The following PLP2 variants were observed in gnomAD, a reference collection of about 807,000 sequenced individuals.
PLP2 encodes the protein proteolipid protein 2.
Under a neutral mutation model 11.4 loss-of-function variants are expected in PLP2, and 8 were observed. That is an observed-to-expected ratio of 0.70 (90% CI 0.41 to 1.27). PLP2 has a LOEUF of 1.27. Ranked by LOEUF, PLP2 falls within the 50% of genes most tolerant of loss-of-function variation. The pLI, the probability that PLP2 is intolerant of heterozygous loss-of-function variation, is 0.01. For missense variants in PLP2, 127 were observed against 123.5 expected (o/e 1.03, Z -0.14); for synonymous variants, 50 against 53.2 (o/e 0.94, Z 0.26).
intron 4 of PLP2, 119 bp downstream of exon 4, chrX:49,174,544 C>T (rs1237760235): frequency 1.3e-5 from 11 of 859,278 alleles, no homozygotes; most frequent in Non-Finnish European, 1.7e-5. Flanking sequence ...GTACTTAGGG[C>T]TTTTGTACCA....
intron 4 of PLP2, 21 bp from the exon 5 acceptor site, chrX:49,174,649 TTC>T: frequency 8.3e-7 from 1 of 1,199,408 alleles, no homozygotes; most frequent in East Asian, 3.0e-5. Context: ...AGCCAATGCT[TTC>T]TCTCTTTTCC....
At chrX:49,174,146 G>A (rs2065402350) in intron 3 of PLP2, among the ~76,000 whole-genome samples, 189 bp from the exon 4 acceptor site, 1 of 111,437 alleles carries the variant, frequency 9.0e-6, no homozygotes, top group African/African-American at 3.3e-5. Context: ...GCCTCCCTGT[G>A]TTGAGAGGTA....
chrX:49,173,593 C>G (rs1557099503), intron 3 of PLP2, 110 bp downstream of exon 3: 2 of 1,181,488 alleles, frequency 1.7e-6, no homozygotes, highest in Non-Finnish European at 2.3e-6. Flanking sequence ...GCAAGTCACA[C>G]TTGTCCTCAG....
chrX:49,173,169 C>T lies in PLP2; in HGVS notation c.137C>T (p.Thr46Ile). Residue 46 changes from threonine (T) to isoleucine (I), a missense_variant, in exon 2 of 5, where the codon ACA (threonine) becomes ATA (isoleucine). Physicochemically the swap from Thr to Ile is moderately conservative, Grantham distance 89. Coordinates refer to ENST00000376327, the MANE Select transcript of PLP2 (RefSeq NM_002668.3). ...ATCCTGATCTGCTTCAGTGCCTCCA[C>T]ACCAGGCTACTCCTCCCTGTCGGTG... The part of the protein sequence containing the change: ...LVILICFSAS[T>I]PGYSSLSVIE... 8.3e-7 allele frequency: 1 copy of T among 1,209,189 alleles called. No individual in the cohort carries two copies. The highest frequency in any genetic ancestry group is 1.1e-6 in the Non-Finnish European group (1 of 893,282).
Position 49,173,297 on chromosome X carries a change from C to T in PLP2, c.249+16C>T, listed in dbSNP as rs1208931243. The T allele has an allele frequency of 9.1e-6, 11 of 1,207,964 alleles. No individual in the cohort carries two copies. The highest frequency in any genetic ancestry group is 1.1e-5 in the Non-Finnish European group (10 of 893,509). On this transcript the variant is annotated intron_variant, in intron 2 of 4. Transcript: ENST00000376327. The stretch of plus-strand genomic sequence containing the variant: ...GCCCTGGAGTGTGAGAAGGGGTCCA[C>T]AATGGCAAGACCAGGGAGGGGTCTG...
rs375975539 is a variant in PLP2 at position 49,174,355 on chromosome X, G to A, written c.366G>A (p.Thr122=). ...IVAGVLGLIA[T]CLFGYDAYVT... ...CCCAGGTACTGGGCCTAATCGCTAC[G>A]TGCCTCTTTGGCTATGATGCCTATG... Residue 122 remains threonine, a synonymous_variant, in exon 4 of 5, where the codon ACG becomes ACA. Coordinates refer to ENST00000376327, the MANE Select transcript of PLP2 (RefSeq NM_002668.3). 4.1e-5 allele frequency: 49 copies of A among 1,207,927 alleles called. No homozygotes were observed. The highest frequency in any genetic ancestry group is 5.5e-5 in the Non-Finnish European group (49 of 893,501).
chrX:49,174,429 AGTGT>A lies in PLP2; in HGVS notation c.436+15_436+18del. 1 of 923,464 alleles carries A rather than the reference AGTGT, an allele frequency of 1.1e-6. No individual in the cohort carries two copies. The highest frequency in any genetic ancestry group is 1.5e-6 in the Non-Finnish European group (1 of 660,018). The allele number at this position is 923,464 out of a possible 1,213,427, so 76.1% of individuals were successfully genotyped here. A position where few individuals can be genotyped will look rare whatever the true frequency, so the allele number is the denominator to read the frequency against. ...AGACATACAGCAGCCCCCACTGGTA[AGTGT>A]GTGTGTGTGTTGGTTGGGGGTAAGG... On this transcript the variant is annotated splice_donor_5th_base_variant and intron_variant, in intron 4 of 4. Transcript: ENST00000376327.
chrX:49,173,221 C>A lies in PLP2; in HGVS notation c.189C>A (p.Phe63Leu). The change falls in exon 2 of 5, where the codon TTC (phenylalanine) becomes TTA (leucine). Residue 63 changes from phenylalanine (F) to leucine (L), a missense_variant. Physicochemically the swap from Phe to Leu is conservative, Grantham distance 22. Transcript: ENST00000376327. ...TTGAGATGATCCTTGCTGCTATTTT[C>A]TTTGTTGTCTACATGTGTGACCTGC... The part of the protein sequence containing the change: ...SVIEMILAAI[F>L]FVVYMCDLHT... The A allele has an allele frequency of 8.3e-7, 1 of 1,210,578 alleles. No homozygotes were observed. The highest frequency in any genetic ancestry group is 1.1e-6 in the Non-Finnish European group (1 of 894,569).
At chrX:49,172,763 C>T (rs1436190831) in intron 1 of PLP2, among the ~76,000 whole-genome samples, 1 of 111,966 alleles carries the variant, frequency 8.9e-6, no homozygotes, top group Non-Finnish European at 1.9e-5. Flanking sequence ...CTGGCGTCAG[C>T]GGGGCTCACA....
chrX:49,172,753 C>G (rs1557099351), intron 1 of PLP2, among the ~76,000 whole-genome samples: 1 of 112,198 alleles, frequency 8.9e-6, no homozygotes, highest in African/African-American at 3.2e-5. Context: ...GGCCACAAAG[C>G]TGGCGTCAGC....
intron 1 of PLP2, among the ~76,000 whole-genome samples, 167 bp downstream of exon 1, chrX:49,172,263 G>A (rs2065395299): frequency 9.0e-6 from 1 of 111,161 alleles, no homozygotes; most frequent in Non-Finnish European, 1.9e-5. Flanking sequence ...AGGGCGAGTC[G>A]GTGGGGTTTG....
At position 49,172,104 on chromosome X, in the gene PLP2, T is replaced by C; in HGVS notation, c.96+8T>C. On this transcript the variant is annotated splice_region_variant and intron_variant, in intron 1 of 4. Transcript: ENST00000376327. ...CTCCTGTTTGCTGAGATTGTGAGCG[T>C]TCTGGGGCAGGCGCGTGGGCAAAAG... is the stretch of plus-strand genomic sequence containing the variant. The C allele has an allele frequency of 8.6e-7, 1 of 1,157,344 alleles. No individual in the cohort carries two copies.
Position 49,175,130 on chromosome X carries a change from A to G in PLP2, c.*436A>G, listed in dbSNP as rs2065408011. 5.0e-6 allele frequency: 1 copy of G among 199,336 alleles called. No homozygotes were observed. Among genetic ancestry groups the G allele is most frequent in the African/African-American group, 2.9e-5 (1 of 34,282 alleles). The allele number at this position is 199,336 out of a possible 1,213,427, so 16.4% of individuals were successfully genotyped here. A position where few individuals can be genotyped will look rare whatever the true frequency, so the allele number is the denominator to read the frequency against. ...TAATCCTTTCATCAAATGTGGGTAA[A>G]TTTCAAGCATCAGGAGGGGGAAATG... On this transcript the variant is annotated 3_prime_UTR_variant, in exon 5 of 5. Transcript: ENST00000376327.
intron 3 of PLP2, chrX:49,173,687 A>G: frequency 1.2e-6 from 1 of 824,980 alleles, no homozygotes; most frequent in Non-Finnish European, 1.7e-6. Flanking sequence ...TGTCAGACAC[A>G]AGGACCTTGG....
In PLP2 at chrX:49,173,400, A is replaced by G. The variant is rs782480252; in HGVS notation, c.262A>G (p.Thr88Ala). ...CTACACCTCACAGGATTTCTTCCGAACCCTCATAGCGGCAATCCTCTACCT... is the reference window on the plus strand; with the variant it reads ...CTACACCTCACAGGATTTCTTCCGAGCCCTCATAGCGGCAATCCTCTACCT... Reference protein sequence around the residue: ...INWPWSDFFRTLIAAILYLIT... With the variant: ...INWPWSDFFRALIAAILYLIT... Residue 88 changes from threonine to alanine, a missense_variant, in exon 3 of 5, where the codon ACC (threonine) becomes GCC (alanine). Transcript: ENST00000376327. 24 of 1,209,014 alleles carry G rather than the reference A, an allele frequency of 2.0e-5. No homozygotes were observed. In the South Asian group the frequency reaches 3.5e-4, roughly 18 times the overall value.
At chrX:49,173,785 C>CG in intron 3 of PLP2, 1 of 449,947 alleles carries the variant, frequency 2.2e-6, no homozygotes, top group South Asian at 3.3e-5. Context: ...AAATTGGGGC[C>CG]GGGCGCAGTG....
rs1272256603 is a variant in PLP2, at chrX:49,173,430, A to G, written c.292A>G (p.Thr98Ala). ...CATAGCGGCAATCCTCTACCTGATC[A>G]CCTCCATTGTTGTCCTTGTTGAGAG... ...TLIAAILYLI[T>A]SIVVLVERGN... Residue 98 changes from threonine (T) to alanine (A), a missense_variant, in exon 3 of 5, where the codon ACC (threonine) becomes GCC (alanine). Transcript: ENST00000376327. 1 of 1,209,315 alleles carries G rather than the reference A, an allele frequency of 8.3e-7. No individual in the cohort carries two copies. Among genetic ancestry groups the G allele is most frequent in the Non-Finnish European group, 1.1e-6 (1 of 895,061 alleles).
At chrX:49,174,481 A>G in intron 4 of PLP2, 56 bp downstream of exon 4, 2 of 1,043,507 alleles carry the variant, frequency 1.9e-6, no homozygotes, top group South Asian at 3.8e-5. Context: ...GGGCAGAGGG[A>G]AAAAGGAAAG....
Position 49,172,074 on chromosome X carries a change from G to GA in PLP2, c.76dup (p.Ile26AsnfsTer6). The GA allele has an allele frequency of 8.3e-7, 1 of 1,203,153 alleles. No homozygotes were observed. Among genetic ancestry groups the GA allele is most frequent in the Non-Finnish European group, 1.1e-6 (1 of 887,848 alleles). On this transcript the variant is annotated frameshift_variant, in exon 1 of 5. Coordinates refer to ENST00000376327, the MANE Select transcript of PLP2 (RefSeq NM_002668.3). LOFTEE classifies it high-confidence loss of function. ...ACCAACTTCTCGCGCACTCGAAAGG[G>GA]AATCCTCCTGTTTGCTGAGATTGTG...
Sources: gnomAD v4.1 joint callset for allele counts (sites outside exome capture counted in the v4.1 genomes callset) on GRCh38, gnomAD v4.1.1 for gene constraint, MANE v1.5 for transcripts, NCBI Gene and HGNC (gene_info 2026-07-23, HGNC 2026-07-21) for gene names.